Variants in DOCK10 observed in about 807,000 individuals in gnomAD.
The protein encoded by DOCK10 is dedicator of cytokinesis protein 10.
A neutral mutation model predicts 280.1 loss-of-function variants in DOCK10; 145 were observed. That is an observed-to-expected ratio of 0.52 (90% CI 0.45 to 0.59). The LOEUF (loss-of-function observed/expected upper bound fraction) is 0.59, where lower values mean the gene tolerates loss of function less well. Among genes scored for constraint, DOCK10 ranks in the 20% least tolerant of loss-of-function variants. DOCK10 has a pLI of 0.00. For synonymous variants in DOCK10, 915 were observed against 942.2 expected, an observed-to-expected ratio of 0.97 and a Z score of 0.53; for missense variants, 2,368 against 2,651.7, an observed-to-expected ratio of 0.89 and a Z score of 2.35.
chr2:224,780,438 C>T (rs1691243455), intron 50 of DOCK10, among the ~76,000 whole-genome samples: 1 of 152,184 alleles, frequency 6.6e-6, no homozygotes, highest in South Asian at 2.1e-4. Context: ...GCAACATTTG[C>T]AACTTCAATT....
intron 39 of DOCK10, among the ~76,000 whole-genome samples, chr2:224,803,789 C>G (rs915103402): frequency 6.6e-6 from 1 of 152,038 alleles, no homozygotes; most frequent in South Asian, 2.1e-4. Flanking sequence ...ATTTATTGGG[C>G]CTATGTCTCA....
At chr2:225,004,658 G>A (rs530502494) in intron 1 of DOCK10, among the ~76,000 whole-genome samples, 1 of 152,342 alleles carries the variant, frequency 6.6e-6, no homozygotes, top group South Asian at 2.1e-4. Context: ...TCAAGCACCT[G>A]TGCTCTAGGC....
chr2:225,037,199 CTT>C (rs1348688980), intron 1 of DOCK10, among the ~76,000 whole-genome samples: 3 of 152,158 alleles, frequency 2.0e-5, no homozygotes, highest in Non-Finnish European at 4.4e-5. Context: ...TTTCTTAAGA[CTT>C]TGCAATACAG....
chr2:224,966,408 T>C lies in DOCK10; in HGVS notation c.124-34740A>G, dbSNP rs189437793. Among the ~76,000 whole-genome samples the C allele has an allele frequency of 3.7e-4, 56 of 151,512 alleles. No individual in the cohort carries two copies. In the East Asian group the frequency reaches 5.4e-3, roughly 15 times the overall value. Reference sequence around the variant, plus strand: ...GATACAACACAGGCTGTTTTGAATATACAAAATAACCATCACCAAATGCTT... The same window carrying C: ...GATACAACACAGGCTGTTTTGAATACACAAAATAACCATCACCAAATGCTT... On this transcript the variant is annotated intron_variant, in intron 1 of 55. Coordinates refer to ENST00000258390, the MANE Select transcript of DOCK10 (RefSeq NM_014689.3).
intron 14 of DOCK10, chr2:224,862,437 T>C (rs752204351): frequency 2.6e-5 from 11 of 431,316 alleles, no homozygotes; most frequent in Non-Finnish European, 4.6e-5. Flanking sequence ...TGGTCATGCA[T>C]GCAGGGTACA....
chr2:224,805,082 A>G lies in DOCK10; in HGVS notation c.4094T>C (p.Val1365Ala). Residue 1365 changes from valine to alanine, a missense_variant, in exon 37 of 56, where the codon GTG becomes GCG. By Grantham distance (64) the Val-to-Ala change is moderately conservative. Coordinates refer to ENST00000258390, the MANE Select transcript of DOCK10 (RefSeq NM_014689.3). The surrounding 1 kb of genome is among the most constrained non-coding windows in gnomAD (Gnocchi z 4.3). Reference protein sequence around the residue: ...AYWQRAPSPEVSDFFSILDVC... With the variant: ...AYWQRAPSPEASDFFSILDVC... ...CTCCAAGATGCTGAAGAAGTCGGAC[A>G]CCTCTGGGCTGGGAGCTCTCTGCCA... The G allele has an allele frequency of 6.2e-7, 1 of 1,610,754 alleles. No homozygotes were observed. The highest frequency in any genetic ancestry group is 8.5e-7 in the Non-Finnish European group (1 of 1,178,606).
At chr2:224,951,796 T>G (rs1703746085) in intron 1 of DOCK10, among the ~76,000 whole-genome samples, 1 of 152,182 alleles carries the variant, frequency 6.6e-6, no homozygotes, top group Non-Finnish European at 1.5e-5. Flanking sequence ...GAAGCTGTCT[T>G]CAGGCACATG....
At chr2:224,912,773 C>T (rs1701100169) in intron 3 of DOCK10, among the ~76,000 whole-genome samples, 1 of 152,124 alleles carries the variant, frequency 6.6e-6, no homozygotes, top group African/African-American at 2.4e-5. Flanking sequence ...CGCCTGTAAT[C>T]CCAGCACTTT....
At chr2:224,823,676 A>T (rs1694657964) in intron 27 of DOCK10, 29 bp from the exon 28 acceptor site, 1 of 1,543,538 alleles carries the variant, frequency 6.5e-7, no homozygotes, top group Non-Finnish European at 8.7e-7. Context: ...ATATCTTTCT[A>T]ATGTGGCATG....
rs560385238 is a variant in DOCK10, at chr2:224,774,402, G to C, written c.6013+503C>G. Among the ~76,000 whole-genome samples, 14 of 152,336 alleles carry C rather than the reference G, an allele frequency of 9.2e-5. No individual in the cohort carries two copies. The South Asian group carries it at 2.5e-3, about 27-fold the overall frequency. Reference sequence around the variant, plus strand: ...CCAGAACAGTGCCCAGCCCCTAGCAGGGCCTCACTAAAAGTGTGTTGAGGA... The same window carrying C: ...CCAGAACAGTGCCCAGCCCCTAGCACGGCCTCACTAAAAGTGTGTTGAGGA... On this transcript the variant is annotated intron_variant, in intron 52 of 55. Transcript: ENST00000258390.
intron 28 of DOCK10, among the ~76,000 whole-genome samples, chr2:224,821,000 C>A (rs1002358381): frequency 2.0e-5 from 3 of 152,144 alleles, no homozygotes; most frequent in Non-Finnish European, 4.4e-5. Context: ...TAGGTATGTT[C>A]AGATAAGTAG....
At position 225,016,632 on chromosome 2, in the gene DOCK10, C is replaced by G. The variant is rs1183941465; in HGVS notation, c.123+25620G>C. 1.1e-3 allele frequency among the ~76,000 whole-genome samples: 28 copies of G among 24,736 alleles called. 1 individual carries two copies. The highest frequency in any genetic ancestry group is 6.1e-3 in the African/African-American group (28 of 4,600). 16.2% of individuals were successfully genotyped at this position (24,736 alleles called of 152,430 possible). On this transcript the variant is annotated intron_variant, in intron 1 of 55. Transcript: ENST00000258390. ...ACATATATCTATGTGCACATAGATA[C>G]ATATATCTATGTGCACATAGATACA... is the stretch of plus-strand genomic sequence containing the variant.
chr2:224,845,207 C>T lies in DOCK10; in HGVS notation c.2477G>A (p.Gly826Glu). Residue 826 changes from glycine to glutamate, a missense_variant, in exon 21 of 56, where the codon GGA (glycine) becomes GAA (glutamate). By Grantham distance (98) the Gly-to-Glu change is moderately conservative (BLOSUM62 -2). Coordinates refer to ENST00000258390, the MANE Select transcript of DOCK10 (RefSeq NM_014689.3). ...AAATTACACATTATTCAATACCTTT[C>T]CACTTGCAGAATCTTGAAAGCTTAA... Reference protein sequence around the residue: ...NYLSFQDSASGKHGGSDIKWV... With the variant: ...NYLSFQDSASEKHGGSDIKWV... 1 of 1,572,636 alleles carries T rather than the reference C, an allele frequency of 6.4e-7. No homozygotes were observed.
chr2:224,991,849 C>T (rs1021483148), intron 1 of DOCK10, among the ~76,000 whole-genome samples: 1 of 152,224 alleles, frequency 6.6e-6, no homozygotes, highest in South Asian at 2.1e-4. Context: ...ATATAAATTA[C>T]AGTGTTCTAC....
At chr2:224,948,044 C>T (rs1703526351) in intron 1 of DOCK10, among the ~76,000 whole-genome samples, 2 of 152,024 alleles carry the variant, frequency 1.3e-5, no homozygotes, top group African/African-American at 2.4e-5. Flanking sequence ...AACAGATATA[C>T]AATATAGGAG....
chr2:224,859,099 G>C (rs540557788), intron 14 of DOCK10, among the ~76,000 whole-genome samples: 1 of 152,288 alleles, frequency 6.6e-6, no homozygotes, highest in South Asian at 2.1e-4. Flanking sequence ...AGCACTGTGG[G>C]ATGTACTTGG....
At chr2:224,998,908 C>A (rs887114573) in intron 1 of DOCK10, among the ~76,000 whole-genome samples, 18 of 152,028 alleles carry the variant, frequency 1.2e-4, no homozygotes, top group African/African-American at 4.4e-4. Context: ...CATTTATAGC[C>A]GGGTGTGGTG....
In DOCK10 at chr2:224,800,274, C is replaced by A; in HGVS notation, c.4394-11G>T. 1 of 1,531,660 alleles carries A rather than the reference C, an allele frequency of 6.5e-7. No homozygotes were observed. Among genetic ancestry groups the A allele is most frequent in the Non-Finnish European group, 9.0e-7 (1 of 1,109,266 alleles). 94.9% of individuals were successfully genotyped at this position (1,531,660 alleles called of 1,614,324 possible). On this transcript the variant is annotated splice_polypyrimidine_tract_variant and intron_variant, in intron 40 of 55. Coordinates refer to ENST00000258390, the MANE Select transcript of DOCK10 (RefSeq NM_014689.3). ...TTTCATTGGAGTTGCCTATAAAATA[C>A]AAAATAAAACATGCGTAAAAGTCTA... is the stretch of plus-strand genomic sequence containing the variant.
intron 55 of DOCK10, among the ~76,000 whole-genome samples, chr2:224,769,126 A>T (rs1161811000): frequency 6.6e-6 from 1 of 152,164 alleles, no homozygotes; most frequent in Non-Finnish European, 1.5e-5. Flanking sequence ...TCTCCTGAGT[A>T]CTTAATTCCT....
Sources: gnomAD v4.1 joint callset for allele counts (sites outside exome capture counted in the v4.1 genomes callset) on GRCh38, gnomAD v4.1.1 for gene constraint, Gnocchi (gnomAD v3.1) non-coding constraint, MANE v1.5 for transcripts, NCBI Gene and HGNC (gene_info 2026-07-23, HGNC 2026-07-21) for gene names.